COL4A6: variants seen among roughly 807,000 people sequenced by gnomAD.
COL4A6 encodes the protein collagen type IV alpha 6 chain.
A neutral mutation model predicts 126.7 loss-of-function variants in COL4A6; 59 were observed. That is an observed-to-expected ratio of 0.47 (90% confidence interval 0.38 to 0.58). The LOEUF is 0.58. COL4A6 is among the 20% of genes least tolerant of loss of function. The pLI is 0.00. For synonymous variants in COL4A6, 547 were observed against 496.6 expected, an observed-to-expected ratio of 1.10 and a Z score of -1.35; for missense variants, 1,285 against 1,337.3, an observed-to-expected ratio of 0.96 and a Z score of 0.61.
chrX:108,413,648 C>T (rs758423064), intron 2 of COL4A6, among the ~76,000 whole-genome samples: 5 of 110,736 alleles, frequency 4.5e-5, no homozygotes, highest in South Asian at 3.9e-4. Flanking sequence ...TTAGTAGAGA[C>T]GGGGTTTCAC....
intron 3 of COL4A6, among the ~76,000 whole-genome samples, chrX:108,277,121 T>C (rs1020435509): frequency 9.0e-5 from 10 of 111,529 alleles, no homozygotes; most frequent in Non-Finnish European, 1.7e-4. Flanking sequence ...ACCAGGTTCA[T>C]CTCACTAGGG....
At chrX:108,401,140 C>T (rs994685879) in intron 2 of COL4A6, among the ~76,000 whole-genome samples, 3 of 111,330 alleles carry the variant, frequency 2.7e-5, no homozygotes, top group Non-Finnish European at 5.7e-5. Flanking sequence ...GCTACCTTCA[C>T]TATTTATTAA....
intron 2 of COL4A6, among the ~76,000 whole-genome samples, chrX:108,406,280 G>T (rs375225070): frequency 1.2e-3 from 138 of 111,846 alleles, no homozygotes; most frequent in African/African-American, 4.0e-3. Flanking sequence ...CCATGAATCT[G>T]TTTTTTCCAC....
At chrX:108,177,565 A>G (rs563980656) in intron 27 of COL4A6, among the ~76,000 whole-genome samples, 1 of 112,188 alleles carries the variant, frequency 8.9e-6, no homozygotes, top group Middle Eastern at 4.6e-3. Flanking sequence ...CAAGTACTGT[A>G]GAAACCCACA....
intron 2 of COL4A6, among the ~76,000 whole-genome samples, chrX:108,402,576 A>G (rs755452556): frequency 1.8e-5 from 2 of 110,809 alleles, no homozygotes; most frequent in Admixed American, 1.9e-4. Context: ...TATCTATATC[A>G]TTAATTTTTA....
At chrX:108,423,110 C>T (rs2064011830) in intron 2 of COL4A6, among the ~76,000 whole-genome samples, 1 of 112,172 alleles carries the variant, frequency 8.9e-6, no homozygotes. Context: ...TTGATGCCCA[C>T]TATGTCAGTT....
chrX:108,344,978 T>G (rs2039673723), intron 2 of COL4A6, among the ~76,000 whole-genome samples: 1 of 112,082 alleles, frequency 8.9e-6, no homozygotes. Flanking sequence ...ATGTTACTAA[T>G]AGTGTCTCCA....
At chrX:108,325,828 A>G (rs2039143533) in intron 2 of COL4A6, among the ~76,000 whole-genome samples, 1 of 111,397 alleles carries the variant, frequency 9.0e-6, no homozygotes, top group African/African-American at 3.3e-5. Context: ...AAAAACTATG[A>G]TTATCTCAAT....
rs765105305 is a variant in COL4A6, at chrX:108,343,159, A to AGTGTGTGTGTG, written c.64-32332_64-32331insCACACACACAC. 4.4e-5 allele frequency among the ~76,000 whole-genome samples: 3 copies of AGTGTGTGTGTG among 68,946 alleles called. No homozygotes were observed. The Admixed American group carries it at 6.0e-4, about 14-fold the overall frequency. 59.9% of individuals were successfully genotyped at this position (68,946 alleles called of 115,157 possible). On this transcript the variant is annotated intron_variant, in intron 2 of 44. Coordinates refer to ENST00000334504, the MANE Select transcript of COL4A6 (RefSeq NM_033641.4). ...AATATATATATATATATATATATAT[A>AGTGTGTGTGTG]TATATAGTGTGTGTGTGTGTGTGTG...
chrX:108,436,497 G>C (rs938019075), intron 2 of COL4A6, among the ~76,000 whole-genome samples: 5 of 112,809 alleles, frequency 4.4e-5, no homozygotes, highest in African/African-American at 1.3e-4. Context: ...TAAAAGTTTT[G>C]CTTGAGGGTA....
chrX:108,158,322 G>A (rs191352302), intron 44 of COL4A6, among the ~76,000 whole-genome samples: 1 of 112,767 alleles, frequency 8.9e-6, no homozygotes, highest in Admixed American at 9.3e-5. Context: ...CTTTTTAATA[G>A]GTATGTCTCA....
At chrX:108,373,041 C>G (rs570606632) in intron 2 of COL4A6, among the ~76,000 whole-genome samples, 1 of 111,662 alleles carries the variant, frequency 9.0e-6, no homozygotes, top group Admixed American at 9.5e-5. Flanking sequence ...GCATTTGATA[C>G]AAAATTTTCT....
intron 3 of COL4A6, among the ~76,000 whole-genome samples, chrX:108,270,089 G>A (rs779564038): frequency 5.2e-4 from 58 of 111,949 alleles, no homozygotes; most frequent in Non-Finnish European, 9.8e-4. Context: ...TTGCATTCCA[G>A]CACTGTCCAA....
chrX:108,221,495 T>C (rs1171947036), intron 3 of COL4A6, 121 bp from the exon 4 acceptor site: 16 of 800,405 alleles, frequency 2.0e-5, no homozygotes, highest in Non-Finnish European at 2.6e-5. Flanking sequence ...AAGAGATCTG[T>C]GAGGCACGCC....
At chrX:108,246,081 G>A (rs1487816339) in intron 3 of COL4A6, among the ~76,000 whole-genome samples, 1 of 111,759 alleles carries the variant, frequency 8.9e-6, no homozygotes, top group Non-Finnish European at 1.9e-5. Flanking sequence ...AGAGGCCTGG[G>A]ACTGCTAATT....
intron 3 of COL4A6, among the ~76,000 whole-genome samples, chrX:108,233,026 T>C (rs942809122): frequency 8.9e-6 from 1 of 112,046 alleles, no homozygotes; most frequent in African/African-American, 3.2e-5. Context: ...TGGGAGCAAA[T>C]TGACTGTCTT....
chrX:108,164,789 C>T, intron 39 of COL4A6, 88 bp downstream of exon 39: 1 of 1,181,251 alleles, frequency 8.5e-7, no homozygotes, highest in African/African-American at 1.7e-5. Flanking sequence ...GGAAGAACAT[C>T]AGCCACCGGC....
chrX:108,331,703 C>G (rs921745840), intron 2 of COL4A6, among the ~76,000 whole-genome samples: 1 of 111,336 alleles, frequency 9.0e-6, no homozygotes, highest in Non-Finnish European at 1.9e-5. Context: ...GAAGAGATGA[C>G]GTTGCTGTCT....
intron 2 of COL4A6, among the ~76,000 whole-genome samples, chrX:108,365,157 C>T (rs1603169157): frequency 9.0e-6 from 1 of 111,730 alleles, no homozygotes; most frequent in East Asian, 2.8e-4. Flanking sequence ...TCTTCATTTC[C>T]CAAATCAATC....
Sources: allele counts gnomAD v4.1 joint callset (sites outside exome capture counted in the v4.1 genomes callset), GRCh38; gene constraint gnomAD v4.1.1; transcripts MANE v1.5; gene names NCBI Gene and HGNC (gene_info 2026-07-23, HGNC 2026-07-21).